Variants in PRKDC observed in about 807,000 individuals in gnomAD.
PRKDC encodes DNA-dependent protein kinase catalytic subunit.
PRKDC carries 82 observed loss-of-function variants against 486.9 expected under a neutral mutation model. The ratio of observed to expected loss-of-function variants is 0.17; its 90% CI spans 0.14 to 0.20. The LOEUF (loss-of-function observed/expected upper bound fraction) is 0.20, where lower values mean the gene tolerates loss of function less well. PRKDC is among the 10% of genes least tolerant of loss of function. The pLI is 1.00. For synonymous variants in PRKDC, 1,895 were observed against 1,837.0 expected (o/e 1.03, Z -0.81); for missense variants, 4,504 against 5,038.2 (o/e 0.89, Z 3.21).
chr8:47,776,910 T>C lies in PRKDC; in HGVS notation c.12116A>G (p.Tyr4039Cys), dbSNP rs745494147. Residue 4039 changes from tyrosine (Y) to cysteine (C), a missense_variant, in exon 85 of 86, where the codon TAC (tyrosine) becomes TGC (cysteine). Tyr to Cys is a radical substitution (Grantham distance 194). Around this residue, in one of 6 missense-constraint regions of PRKDC, gnomAD observed 706 missense variants for 945.0 expected, o/e 0.75. Transcript: ENST00000314191. The stretch of plus-strand genomic sequence containing the variant: ...AGCGTAACATATTTTCTGTCGGGGG[T>C]ACCAATTTTTTTCAGCAACATTTAT... ...QEINVAEKNW[Y>C]PRQKICYAKR... 6.2e-7 allele frequency: 1 copy of C among 1,613,788 alleles called. No homozygotes were observed. The highest frequency in any genetic ancestry group is 8.5e-7 in the Non-Finnish European group (1 of 1,179,840).
intron 30 of PRKDC, among the ~76,000 whole-genome samples, chr8:47,894,724 G>T (rs1048928407): frequency 1.1e-4 from 17 of 152,172 alleles, no homozygotes. Flanking sequence ...CCTGTACCCA[G>T]GACTGCTGCT....
chr8:47,828,085 C>T, intron 62 of PRKDC, 83 bp downstream of exon 62: 1 of 1,360,552 alleles, frequency 7.3e-7, no homozygotes, highest in Non-Finnish European at 1.0e-6. Flanking sequence ...AGAGTCTCAA[C>T]ACGGGAAACA....
chr8:47,839,609 C>A (rs1342972128), intron 55 of PRKDC, among the ~76,000 whole-genome samples: 1 of 152,088 alleles, frequency 6.6e-6, no homozygotes, highest in East Asian at 1.9e-4. Context: ...CAACACCACA[C>A]TTTTTCACTC....
rs980806045 is a variant in PRKDC, at chr8:47,861,119, A to G, written c.5986-148T>C. ...AAAGCACTCAAAAATAACCTCAAAA[A>G]GAGACTAGTGAGTGTCCCTTAAGGA... On this transcript the variant is annotated intron_variant, in intron 44 of 85. Transcript: ENST00000314191. 1.8e-5 allele frequency: 11 copies of G among 612,230 alleles called. No homozygotes were observed. In the African/African-American group the frequency reaches 2.1e-4, roughly 11 times the overall value. The allele number at this position is 612,230 out of a possible 1,614,324, so 37.9% of individuals were successfully genotyped here.
chr8:47,869,373 T>G (rs1320441720), intron 40 of PRKDC, among the ~76,000 whole-genome samples: 3 of 151,686 alleles, frequency 2.0e-5, no homozygotes, highest in African/African-American at 7.3e-5. Flanking sequence ...CCTGAGTCCC[T>G]CACTCCAGGT....
At chr8:47,814,099 C>T (rs933855801) in intron 68 of PRKDC, among the ~76,000 whole-genome samples, 4 of 152,118 alleles carry the variant, frequency 2.6e-5, no homozygotes, top group Non-Finnish European at 4.4e-5. Flanking sequence ...AAAGCTAATA[C>T]TTCATAAACA....
intron 7 of PRKDC, among the ~76,000 whole-genome samples, chr8:47,948,649 A>G (rs989307776): frequency 4.6e-5 from 7 of 150,724 alleles, no homozygotes; most frequent in African/African-American, 1.7e-4. Flanking sequence ...TTTAGTAGAG[A>G]CGGGGTTTCT....
intron 25 of PRKDC, among the ~76,000 whole-genome samples, chr8:47,911,446 TG>T (rs925810528): frequency 6.6e-6 from 1 of 152,236 alleles, no homozygotes; most frequent in Non-Finnish European, 1.5e-5. Flanking sequence ...CAGGCTTCCA[TG>T]GAGAGGTTCA....
At chr8:47,864,243 C>T (rs547466979) in intron 41 of PRKDC, among the ~76,000 whole-genome samples, 1 of 152,258 alleles carries the variant, frequency 6.6e-6, no homozygotes, top group South Asian at 2.1e-4. Flanking sequence ...GCAATGCTGG[C>T]AGCCCCTAGG....
At chr8:47,910,086 C>T (rs934882907) in intron 25 of PRKDC, among the ~76,000 whole-genome samples, 2 of 152,134 alleles carry the variant, frequency 1.3e-5, no homozygotes, top group African/African-American at 2.4e-5. Context: ...ATCACGGTCC[C>T]GGGTGTAACA....
rs1426697807 is a variant in PRKDC at position 47,900,865 on chromosome 8, G to GT, written c.3270-399dup. Among the ~76,000 whole-genome samples the GT allele has an allele frequency of 2.3e-4, 35 of 151,128 alleles. No homozygotes were observed. The East Asian group carries it at 6.3e-3, about 27-fold the overall frequency. On this transcript the variant is annotated intron_variant, in intron 27 of 85. Coordinates refer to ENST00000314191, the MANE Select transcript of PRKDC (RefSeq NM_006904.7). ...CTCCAGCTCAAAAAAAAAAAAAATT[G>GT]TTTTTTTGTTGTTGTTTTTTTAAAG... is the stretch of plus-strand genomic sequence containing the variant.
At chr8:47,821,207 C>G (rs571070222) in intron 65 of PRKDC, among the ~76,000 whole-genome samples, 1 of 152,058 alleles carries the variant, frequency 6.6e-6, no homozygotes, top group South Asian at 2.1e-4. Context: ...TTGGATGTTA[C>G]GTACAAACTG....
At chr8:47,837,765 A>C (rs1205877165) in intron 56 of PRKDC, among the ~76,000 whole-genome samples, 2 of 152,190 alleles carry the variant, frequency 1.3e-5, no homozygotes, top group African/African-American at 4.8e-5. Context: ...AATTACACAA[A>C]ATCCTTCACT....
chr8:47,908,542 C>A (rs550637412), intron 25 of PRKDC, among the ~76,000 whole-genome samples: 2 of 152,242 alleles, frequency 1.3e-5, no homozygotes, highest in Non-Finnish European at 2.9e-5. Context: ...TGAAATCCAT[C>A]CAAGGAGCAG....
intron 45 of PRKDC, 40 bp from the exon 46 acceptor site, chr8:47,859,799 A>G: frequency 6.5e-7 from 1 of 1,527,552 alleles, no homozygotes; most frequent in Non-Finnish European, 9.0e-7. Flanking sequence ...GTATTCAAAC[A>G]TAATTAGTAA....
At chr8:47,893,412 T>C (rs1430284325) in intron 30 of PRKDC, 25 bp from the exon 31 acceptor site, 35 of 1,479,380 alleles carry the variant, frequency 2.4e-5, no homozygotes, top group Non-Finnish European at 3.0e-5. Context: ...AAAATTAAAA[T>C]GCACACATAT....
intron 68 of PRKDC, among the ~76,000 whole-genome samples, chr8:47,807,717 C>G: frequency 6.8e-6 from 1 of 146,206 alleles, no homozygotes. Context: ...CGCACCCGGC[C>G]TACTTATTTT....
At chr8:47,907,692 G>A (rs944041559) in intron 25 of PRKDC, among the ~76,000 whole-genome samples, 50 of 151,642 alleles carry the variant, frequency 3.3e-4, no homozygotes, top group African/African-American at 1.2e-3. Flanking sequence ...CCACCACCAC[G>A]CCCGGCTAAT....
intron 18 of PRKDC, 64 bp downstream of exon 18, chr8:47,929,789 T>C (rs1450281157): frequency 3.5e-6 from 5 of 1,429,466 alleles, no homozygotes; most frequent in African/African-American, 2.9e-5. Flanking sequence ...TATTTTATGA[T>C]ACATTTATAT....
Sources: gnomAD v4.1 joint callset for allele counts (sites outside exome capture counted in the v4.1 genomes callset) on GRCh38, gnomAD v4.1.1 for gene constraint, gnomAD v4.1.1 regional missense constraint, MANE v1.5 for transcripts, NCBI Gene and HGNC (gene_info 2026-07-23, HGNC 2026-07-21) for gene names.